Variants in BLTP2 observed in about 807,000 individuals in gnomAD.
BLTP2 encodes the protein bridge-like lipid transfer protein family member 2, also known as U937-associated antigen.
the BLTP2 span, chr17:28,638,538 T>C: frequency 1.6e-5 from 26 of 1,610,822 alleles, no homozygotes; most frequent in African/African-American, 2.5e-4. Context: ...AGAGATAGAA[T>C]TGAATCCCAA....
At chr17:28,633,493 A>G in the BLTP2 span, 2 of 1,591,974 alleles carry the variant, frequency 1.3e-6, no homozygotes, top group Middle Eastern at 1.7e-4. Flanking sequence ...CACATGTGCT[A>G]TACAGACCTC....
chr17:28,626,195 AC>A, the BLTP2 span, among the ~76,000 whole-genome samples: 1 of 152,148 alleles, frequency 6.6e-6, no homozygotes, highest in East Asian at 1.9e-4. Flanking sequence ...ACAATGACAC[AC>A]CCATGTTCAA....
At chr17:28,622,393 G>T in the BLTP2 span, among the ~76,000 whole-genome samples, 1 of 152,106 alleles carries the variant, frequency 6.6e-6, no homozygotes, top group Non-Finnish European at 1.5e-5. Context: ...AAGCCCTAAG[G>T]TCCTTGATAA....
chr17:28,620,878 C>CCAG, the BLTP2 span: 7 of 1,062,974 alleles, frequency 6.6e-6, no homozygotes, highest in Non-Finnish European at 9.9e-6. Context: ...AATGTTAATG[C>CCAG]CAGTGCACAG....
chr17:28,631,395 CTGGTATTT>C, the BLTP2 span: 1 of 1,277,596 alleles, frequency 7.8e-7, no homozygotes, highest in Admixed American at 1.9e-5. Context: ...CTCCCAGTCT[CTGGTATTT>C]TGTTATGGCA....
chr17:28,628,371 C>T, the BLTP2 span: 10 of 1,614,202 alleles, frequency 6.2e-6, no homozygotes, highest in South Asian at 1.1e-4. Context: ...TGGCTGGCAT[C>T]TGTGGATCAA....
At chr17:28,639,252 T>C in the BLTP2 span, 1 of 1,567,458 alleles carries the variant, frequency 6.4e-7, no homozygotes, top group Non-Finnish European at 8.8e-7. Flanking sequence ...GATGCCAATT[T>C]GGACCAAAAG....
At chr17:28,643,497 C>G in the BLTP2 span, 3 of 1,368,376 alleles carry the variant, frequency 2.2e-6, no homozygotes, top group African/African-American at 4.3e-5. Flanking sequence ...AAGACTTCAG[C>G]AACAACCTCC....
the BLTP2 span, chr17:28,635,447 CAGA>C: frequency 8.7e-6 from 14 of 1,614,060 alleles, no homozygotes; most frequent in South Asian, 7.7e-5. Context: ...CCTTCTAGCT[CAGA>C]AGTAGTTCCT....
At chr17:28,639,749 C>T in the BLTP2 span, 7 of 1,417,080 alleles carry the variant, frequency 4.9e-6, no homozygotes, top group Non-Finnish European at 7.0e-6. Context: ...GTCATCAAAA[C>T]TTGTGAGCTG....
chr17:28,619,544 CAGCCTTTGAT>C, the BLTP2 span: 6 of 1,313,444 alleles, frequency 4.6e-6, no homozygotes, highest in Non-Finnish European at 3.2e-6. Flanking sequence ...ACTCCTACAT[CAGCCTTTGAT>C]AATGCACACT....
At chr17:28,621,101 C>T in the BLTP2 span, 7 of 1,614,140 alleles carry the variant, frequency 4.3e-6, no homozygotes, top group Admixed American at 1.7e-5. Context: ...ATAGTACATT[C>T]GGCAGTTGCA....
the BLTP2 span, chr17:28,643,209 T>C: frequency 5.6e-6 from 9 of 1,614,168 alleles, no homozygotes; most frequent in African/African-American, 9.3e-5. Flanking sequence ...ACAGTTCCTT[T>C]TGATCCACCC....
At chr17:28,617,251 A>G in the BLTP2 span, 1 of 1,613,988 alleles carries the variant, frequency 6.2e-7, no homozygotes, top group Admixed American at 1.7e-5. Context: ...AGCATTGGGG[A>G]GGAGGTTGTT....
the BLTP2 span, among the ~76,000 whole-genome samples, chr17:28,634,353 T>C: frequency 1.3e-5 from 2 of 151,952 alleles, no homozygotes; most frequent in Middle Eastern, 3.4e-3. Flanking sequence ...AATTTCACGG[T>C]GAAATTCAGG....
At chr17:28,617,902 T>C in the BLTP2 span, among the ~76,000 whole-genome samples, 1 of 151,552 alleles carries the variant, frequency 6.6e-6, no homozygotes, top group African/African-American at 2.4e-5. Context: ...TAGCTGGGCT[T>C]ACAGGCACAC....
chr17:28,635,502 A>G, the BLTP2 span: 5 of 1,614,202 alleles, frequency 3.1e-6, no homozygotes, highest in Admixed American at 1.7e-5. Flanking sequence ...CAGGAAACAC[A>G]GTGGCTCTTA....
At chr17:28,633,571 T>G in the BLTP2 span, 1 of 1,613,964 alleles carries the variant, frequency 6.2e-7, no homozygotes, top group Non-Finnish European at 8.5e-7. Flanking sequence ...CTGGTGCAGG[T>G]TCGCCTGTTC....
the BLTP2 span, chr17:28,617,061 C>A: frequency 7.5e-7 from 1 of 1,331,898 alleles, no homozygotes; most frequent in Non-Finnish European, 1.1e-6. Flanking sequence ...AAGCAACCCA[C>A]AAATCCTCTG....
Sources: allele counts gnomAD v4.1 joint callset (sites outside exome capture counted in the v4.1 genomes callset), GRCh38; gene constraint gnomAD v4.1.1; transcripts MANE v1.5; gene names NCBI Gene and HGNC (gene_info 2026-07-23, HGNC 2026-07-21).